CDK19: variants seen among roughly 807,000 people sequenced by gnomAD.
CDK19 encodes cyclin dependent kinase 19.
Under a neutral mutation model 68.3 loss-of-function variants are expected in CDK19, and 20 were observed. The ratio of observed to expected loss-of-function variants is 0.29; its 90% CI spans 0.21 to 0.43. The LOEUF (loss-of-function observed/expected upper bound fraction) is 0.43. Ranked by LOEUF, CDK19 falls within the 20% of genes least tolerant of loss-of-function variation. The probability of loss-of-function intolerance (pLI) is 1.00; values close to 1 mark genes in which losing one functional copy is unlikely to be tolerated. For missense variants in CDK19, 339 were observed against 623.5 expected, an observed-to-expected ratio of 0.54 and a Z score of 4.86; for synonymous variants, 221 against 222.8, an observed-to-expected ratio of 0.99 and a Z score of 0.07.
intron 1 of CDK19, among the ~76,000 whole-genome samples, chr6:110,799,631 T>C (rs1427383014): frequency 6.6e-6 from 1 of 152,042 alleles, no homozygotes; most frequent in Non-Finnish European, 1.5e-5. Context: ...AGGGTCTCAC[T>C]CTGTTGCCAA....
intron 2 of CDK19, among the ~76,000 whole-genome samples, chr6:110,710,235 C>T (rs1362986240): frequency 6.6e-6 from 1 of 152,198 alleles, no homozygotes; most frequent in Non-Finnish European, 1.5e-5. Context: ...TGAGCCTTCA[C>T]TTCATGCTTT....
intron 4 of CDK19, among the ~76,000 whole-genome samples, chr6:110,640,440 G>A (rs1378788213): frequency 6.6e-6 from 1 of 152,052 alleles, no homozygotes; most frequent in African/African-American, 2.4e-5. Context: ...AAATGGCAAG[G>A]GAGGTATGGA....
At chr6:110,656,270 T>C (rs1781304334) in intron 4 of CDK19, among the ~76,000 whole-genome samples, 1 of 152,210 alleles carries the variant, frequency 6.6e-6, no homozygotes, top group African/African-American at 2.4e-5. Flanking sequence ...ATCTGGTACA[T>C]ATTAAGAAGC....
intron 12 of CDK19, among the ~76,000 whole-genome samples, chr6:110,618,607 C>T (rs1424640588): frequency 6.6e-6 from 1 of 152,190 alleles, no homozygotes; most frequent in Non-Finnish European, 1.5e-5. Context: ...TGGGGACCTC[C>T]CTCAGCCCAC....
intron 1 of CDK19, among the ~76,000 whole-genome samples, chr6:110,752,210 T>C (rs1291751917): frequency 6.6e-6 from 1 of 151,998 alleles, no homozygotes; most frequent in Non-Finnish European, 1.5e-5. Flanking sequence ...TTTTTTATGA[T>C]GAAATTTTTC....
At chr6:110,688,392 G>A (rs1772679717) in intron 2 of CDK19, among the ~76,000 whole-genome samples, 1 of 152,002 alleles carries the variant, frequency 6.6e-6, no homozygotes, top group Non-Finnish European at 1.5e-5. Flanking sequence ...TGGCAGATTG[G>A]AGGCAGTGTT....
chr6:110,761,307 G>T (rs998566342), intron 1 of CDK19, among the ~76,000 whole-genome samples: 1 of 152,120 alleles, frequency 6.6e-6, no homozygotes, highest in South Asian at 2.1e-4. Context: ...CTGGTTAAGA[G>T]GCCTTTGCAA....
At chr6:110,747,770 A>AT (rs1161994513) in intron 1 of CDK19, among the ~76,000 whole-genome samples, 15 of 152,274 alleles carry the variant, frequency 9.9e-5, no homozygotes, top group Non-Finnish European at 2.2e-4. Context: ...TTAAATGATC[A>AT]TTTTTTCCTT....
At chr6:110,691,897 C>A (rs932862693) in intron 2 of CDK19, among the ~76,000 whole-genome samples, 1 of 151,060 alleles carries the variant, frequency 6.6e-6, no homozygotes, top group African/African-American at 2.4e-5. Flanking sequence ...CCACCCGCCT[C>A]GGCCTCCCAA....
intron 1 of CDK19, among the ~76,000 whole-genome samples, chr6:110,767,089 T>C (rs1238078957): frequency 1.3e-5 from 2 of 151,618 alleles, no homozygotes; most frequent in African/African-American, 4.9e-5. Context: ...GCCAAGATTG[T>C]GCCACTGCAC....
intron 2 of CDK19, chr6:110,670,773 T>G (rs1391067110): frequency 1.6e-6 from 1 of 613,648 alleles, no homozygotes; most frequent in Non-Finnish European, 3.0e-6. Context: ...TGTTTTGTTT[T>G]GTTTTACTTT....
At chr6:110,721,799 C>CA (rs1200028249) in intron 2 of CDK19, among the ~76,000 whole-genome samples, 1 of 151,812 alleles carries the variant, frequency 6.6e-6, no homozygotes, top group Non-Finnish European at 1.5e-5. Flanking sequence ...CTCGTCTCTA[C>CA]AAAAAAATAC....
intron 2 of CDK19, among the ~76,000 whole-genome samples, chr6:110,709,471 A>G (rs1031827268): frequency 1.5e-4 from 22 of 151,648 alleles, no homozygotes; most frequent in African/African-American, 5.3e-4. Flanking sequence ...AAACCTGCAC[A>G]TTCTACACAT....
chr6:110,617,819 C>T (rs772036039), intron 12 of CDK19, among the ~76,000 whole-genome samples: 14 of 130,646 alleles, frequency 1.1e-4, no homozygotes, highest in Non-Finnish European at 1.7e-4. Context: ...ATCACGTCAC[C>T]GCACTCCAGC....
intron 1 of CDK19, among the ~76,000 whole-genome samples, chr6:110,766,000 GA>G (rs902507291): frequency 1.4e-4 from 22 of 152,206 alleles, no homozygotes; most frequent in African/African-American, 5.3e-4. Flanking sequence ...CTGTTGGTGA[GA>G]ATGTAAATTA....
chr6:110,645,871 T>C, intron 4 of CDK19: 1 of 698,086 alleles, frequency 1.4e-6, no homozygotes, highest in Non-Finnish European at 2.5e-6. Context: ...GAAGAGACTA[T>C]CGTAGACGAA....
chr6:110,761,612 T>TA lies in CDK19; in HGVS notation c.129-15412dup, dbSNP rs527758056. Among the ~76,000 whole-genome samples the TA allele has an allele frequency of 2.1e-3, 317 of 151,418 alleles. 2 individuals carry two copies. The highest frequency in any genetic ancestry group is 7.1e-3 in the African/African-American group (294 of 41,398). On this transcript the variant is annotated intron_variant, in intron 1 of 12. Transcript: ENST00000368911. ...AAGGCGTCTGGACACACATATAGTT[T>TA]AGACAGGAGATGTGGACTAGAGATA... is the stretch of plus-strand genomic sequence containing the variant.
At chr6:110,762,633 G>C (rs1779302919) in intron 1 of CDK19, among the ~76,000 whole-genome samples, 1 of 152,156 alleles carries the variant, frequency 6.6e-6, no homozygotes, top group Non-Finnish European at 1.5e-5. Flanking sequence ...AATACGTAAA[G>C]CACCTAGCAC....
intron 4 of CDK19, among the ~76,000 whole-genome samples, chr6:110,647,507 A>G (rs1405129478): frequency 6.6e-6 from 1 of 152,046 alleles, no homozygotes; most frequent in African/African-American, 2.4e-5. Flanking sequence ...GATCCAGTAG[A>G]GGACAGAAAA....
Sources: gnomAD v4.1 joint callset for allele counts (sites outside exome capture counted in the v4.1 genomes callset) on GRCh38, gnomAD v4.1.1 for gene constraint, MANE v1.5 for transcripts, NCBI Gene and HGNC (gene_info 2026-07-23, HGNC 2026-07-21) for gene names.